The following CNTNAP2 variants were observed in gnomAD, a reference collection of about 807,000 sequenced individuals.
CNTNAP2 encodes contactin associated protein 2.
Under a neutral mutation model 155.2 loss-of-function variants are expected in CNTNAP2, and 98 were observed. The observed-to-expected ratio is 0.63, with a 90% CI of 0.54 to 0.75. The LOEUF (loss-of-function observed/expected upper bound fraction) is 0.75. CNTNAP2 is among the 30% of genes least tolerant of loss of function. The pLI is 0.00. For synonymous variants in CNTNAP2, 651 were observed against 631.2 expected (o/e 1.03, Z -0.47); for missense variants, 1,727 against 1,688.1 (o/e 1.02, Z -0.40).
intron 15 of CNTNAP2, among the ~76,000 whole-genome samples, chr7:148,029,098 G>A (rs1267563909): frequency 1.5e-5 from 1 of 68,064 alleles, no homozygotes; most frequent in Non-Finnish European, 2.7e-5. Context: ...ATCCTTTTGG[G>A]CAACACACTT....
intron 8 of CNTNAP2, among the ~76,000 whole-genome samples, chr7:147,208,727 G>A (rs1255790903): frequency 3.9e-5 from 6 of 151,942 alleles, no homozygotes; most frequent in Admixed American, 3.9e-4. Context: ...AAGTAGTACT[G>A]TGTGTATGAT....
At chr7:148,259,172 T>C (rs1585222928) in intron 20 of CNTNAP2, among the ~76,000 whole-genome samples, 2 of 56,028 alleles carry the variant, frequency 3.6e-5, no homozygotes, top group East Asian at 5.9e-4. Flanking sequence ...AAAGCAAAAC[T>C]CCGTCTTAAA....
chr7:147,866,092 A>G (rs1310444080), intron 13 of CNTNAP2, among the ~76,000 whole-genome samples: 1 of 152,136 alleles, frequency 6.6e-6, no homozygotes, highest in African/African-American at 2.4e-5. Context: ...ACACTGCTTT[A>G]AATGTGTCCC....
At chr7:146,929,264 C>T (rs1451487400) in intron 3 of CNTNAP2, among the ~76,000 whole-genome samples, 5 of 152,176 alleles carry the variant, frequency 3.3e-5, no homozygotes, top group Non-Finnish European at 7.3e-5. Context: ...GATCAGACAG[C>T]AGCATTCGCG....
intron 20 of CNTNAP2, among the ~76,000 whole-genome samples, chr7:148,261,624 T>C (rs1316223507): frequency 6.6e-6 from 1 of 152,046 alleles, no homozygotes; most frequent in Admixed American, 6.5e-5. Context: ...TGGTCCGGAA[T>C]TGCTGGGGGA....
At chr7:146,822,511 G>T (rs1450341423) in intron 2 of CNTNAP2, among the ~76,000 whole-genome samples, 1 of 150,030 alleles carries the variant, frequency 6.7e-6, no homozygotes, top group African/African-American at 2.4e-5. Flanking sequence ...TCAGACATTT[G>T]TCCCACCTTC....
At position 147,658,222 on chromosome 7, in the gene CNTNAP2, A is replaced by G. The variant is rs1257630724; in HGVS notation, c.2098+18916A>G. The stretch of plus-strand genomic sequence containing the variant: ...CAGTGAGCCGAGATCCCGCCACTGC[A>G]CTCCAGCCTGGGAGACAGAGCGAGA... On this transcript the variant is annotated intron_variant, in intron 13 of 23. Coordinates refer to ENST00000361727, the MANE Select transcript of CNTNAP2 (RefSeq NM_014141.6). Among the ~76,000 whole-genome samples, 5 of 110,510 alleles carry G rather than the reference A, an allele frequency of 4.5e-5. 1 individual carries two copies. Among genetic ancestry groups the G allele is most frequent in the Non-Finnish European group, 1.0e-4 (5 of 50,094 alleles). 72.5% of individuals were successfully genotyped at this position (110,510 alleles called of 152,430 possible). A position where few individuals can be genotyped will look rare whatever the true frequency, so the allele number is the denominator to read the frequency against.
intron 10 of CNTNAP2, among the ~76,000 whole-genome samples, chr7:147,469,684 A>G (rs969414104): frequency 1.3e-5 from 2 of 151,438 alleles, no homozygotes; most frequent in African/African-American, 4.9e-5. Context: ...ACGCCTGGCT[A>G]ATTTTTTGTG....
At chr7:147,631,307 C>T (rs1019447476) in intron 12 of CNTNAP2, among the ~76,000 whole-genome samples, 4 of 151,992 alleles carry the variant, frequency 2.6e-5, no homozygotes, top group Non-Finnish European at 5.9e-5. Flanking sequence ...AAGTTAACTA[C>T]AAAACACTGG....
intron 21 of CNTNAP2, among the ~76,000 whole-genome samples, chr7:148,272,098 C>A (rs765671824): frequency 6.6e-6 from 1 of 152,132 alleles, no homozygotes; most frequent in Non-Finnish European, 1.5e-5. Flanking sequence ...TAATCAAGGA[C>A]AAGTGTGATC....
chr7:146,550,142 T>G (rs1187431578), intron 1 of CNTNAP2, among the ~76,000 whole-genome samples: 2 of 152,026 alleles, frequency 1.3e-5, no homozygotes, highest in Non-Finnish European at 1.5e-5. Context: ...CTAGTAGATT[T>G]GATAATTGTG....
chr7:146,635,961 G>A lies in CNTNAP2; in HGVS notation c.98-138310G>A, dbSNP rs552359183. On this transcript the variant is annotated intron_variant, in intron 1 of 23. Transcript: ENST00000361727. Reference sequence around the variant, plus strand: ...GTTCCAGTGGCAAGTGAATGGAGCCGCCTAAAGTATTGCTTGCTCACTTTA... The same window carrying A: ...GTTCCAGTGGCAAGTGAATGGAGCCACCTAAAGTATTGCTTGCTCACTTTA... Among the ~76,000 whole-genome samples the A allele has an allele frequency of 4.5e-4, 69 of 152,222 alleles. No individual in the cohort carries two copies. In the Middle Eastern group the frequency reaches 0.01, roughly 23 times the overall value.
At chr7:147,630,925 C>T (rs1410841491) in intron 12 of CNTNAP2, among the ~76,000 whole-genome samples, 1 of 151,914 alleles carries the variant, frequency 6.6e-6, no homozygotes, top group Non-Finnish European at 1.5e-5. Context: ...GAGAAGGATG[C>T]CCACCCCCAC....
In CNTNAP2 at chr7:146,235,222, A is replaced by G. The variant is rs967100676; in HGVS notation, c.97+118249A>G. On this transcript the variant is annotated intron_variant, in intron 1 of 23. Coordinates refer to ENST00000361727, the MANE Select transcript of CNTNAP2 (RefSeq NM_014141.6). Reference sequence around the variant, plus strand: ...AGTTTCACTTATTTTTCCTTTCTACATCCTTTTTTTTTTTTAATTGGGAAT... The same window carrying G: ...AGTTTCACTTATTTTTCCTTTCTACGTCCTTTTTTTTTTTTAATTGGGAAT... Among the ~76,000 whole-genome samples, 4 of 151,402 alleles carry G rather than the reference A, an allele frequency of 2.6e-5. No homozygotes were observed. The East Asian group carries it at 5.8e-4, about 22-fold the overall frequency.
intron 11 of CNTNAP2, among the ~76,000 whole-genome samples, chr7:147,516,213 A>G (rs987980458): frequency 2.6e-5 from 4 of 152,324 alleles, no homozygotes; most frequent in African/African-American, 9.6e-5. Context: ...AAAGTTGTCT[A>G]TTGCTAATTA....
intron 1 of CNTNAP2, among the ~76,000 whole-genome samples, chr7:146,448,450 G>T (rs1325988168): frequency 1.3e-5 from 2 of 149,610 alleles, no homozygotes; most frequent in Non-Finnish European, 3.0e-5. Context: ...TAAATTCTTT[G>T]TTTATAGAAG....
intron 1 of CNTNAP2, among the ~76,000 whole-genome samples, chr7:146,292,900 C>T (rs941743967): frequency 3.9e-5 from 6 of 152,104 alleles, no homozygotes; most frequent in Middle Eastern, 3.4e-3. Flanking sequence ...AGTTAATGGT[C>T]AAGGGTACAA....
intron 3 of CNTNAP2, among the ~76,000 whole-genome samples, chr7:146,912,948 G>A (rs1346698199): frequency 6.6e-6 from 1 of 152,016 alleles, no homozygotes; most frequent in East Asian, 1.9e-4. Flanking sequence ...CATTTCATTT[G>A]CTCCCTTCCT....
intron 11 of CNTNAP2, among the ~76,000 whole-genome samples, chr7:147,494,786 T>C (rs574970258): frequency 1.3e-5 from 2 of 152,296 alleles, no homozygotes; most frequent in South Asian, 4.1e-4. Flanking sequence ...AAGGTTAATA[T>C]CTGCTCAGAA....
Sources: allele counts gnomAD v4.1 joint callset (sites outside exome capture counted in the v4.1 genomes callset), GRCh38; gene constraint gnomAD v4.1.1; transcripts MANE v1.5; gene names NCBI Gene and HGNC (gene_info 2026-07-23, HGNC 2026-07-21).